The following DNHD1 variants were observed in gnomAD, a reference collection of about 807,000 sequenced individuals.
The protein encoded by DNHD1 is dynein heavy chain domain-containing protein 1.
A neutral mutation model predicts 458.1 loss-of-function variants in DNHD1; 383 were observed. The ratio of observed to expected loss-of-function variants is 0.84; its 90% CI spans 0.77 to 0.91. The LOEUF (loss-of-function observed/expected upper bound fraction) is 0.91. DNHD1 is among the 40% of genes least tolerant of loss of function. The pLI is 0.00. For missense variants in DNHD1, 5,336 were observed against 5,866.1 expected (o/e 0.91, Z 2.95); for synonymous variants, 2,203 against 2,376.9 (o/e 0.93, Z 2.13).
chr11:6,508,871 T>G lies in DNHD1; in HGVS notation c.921-9T>G. On this transcript the variant is annotated splice_polypyrimidine_tract_variant and intron_variant, in intron 4 of 42. Transcript: ENST00000254579. ...AGGGCCTTCACTGATCAGAGCTCTT[T>G]TTTTAAAGGCCTTACAGCCTGATGG... The G allele has an allele frequency of 1.9e-6, 3 of 1,613,892 alleles. No homozygotes were observed. In the South Asian group the frequency reaches 3.3e-5, roughly 18 times the overall value.
At position 6,563,979 on chromosome 11, in the gene DNHD1, C is replaced by T; in HGVS notation, c.10139C>T (p.Ala3380Val). Residue 3380 changes from alanine to valine, a missense_variant, in exon 31 of 43, where the codon GCC becomes GTC. Physicochemically the swap from Ala to Val is moderately conservative, Grantham distance 64. Coordinates refer to ENST00000254579, the MANE Select transcript of DNHD1 (RefSeq NM_144666.3). ...CAGGAGACCCTGGAGCATAATTTGG[C>T]CCTGGCTAAGATGGTGGAGGATGCC... ...QAQETLEHNL[A>V]LAKMVEDAQA... is the part of the protein sequence containing the mutation. 1 of 1,551,730 alleles carries T rather than the reference C, an allele frequency of 6.4e-7. No individual in the cohort carries two copies. Among genetic ancestry groups the T allele is most frequent in the Non-Finnish European group, 8.7e-7 (1 of 1,147,012 alleles).
chr11:6,509,775 C>G (rs1206382824), intron 6 of DNHD1, among the ~76,000 whole-genome samples: 1 of 152,116 alleles, frequency 6.6e-6, no homozygotes, highest in Non-Finnish European at 1.5e-5. Context: ...TACATGACTC[C>G]TCAGCTACTC....
At chr11:6,501,809 T>C (rs533976419) in intron 3 of DNHD1, among the ~76,000 whole-genome samples, 2 of 152,332 alleles carry the variant, frequency 1.3e-5, no homozygotes, top group South Asian at 4.1e-4. Flanking sequence ...CTATATAATA[T>C]AGGACTTTGC....
In DNHD1 at chr11:6,509,282, T is replaced by G; in HGVS notation, c.1235+10T>G. On this transcript the variant is annotated intron_variant, in intron 6 of 42. Transcript: ENST00000254579. ...TACTCCATATTAGCAGGTGAGGTAT[T>G]AAAAACACAACTTCATTGAGTTTTT... The G allele has an allele frequency of 1.9e-4, 309 of 1,597,210 alleles. No homozygotes were observed. Among genetic ancestry groups the G allele is most frequent in the Non-Finnish European group, 2.5e-4 (289 of 1,171,040 alleles).
At chr11:6,503,109 A>G (rs928699815) in intron 4 of DNHD1, 183 bp downstream of exon 4, 1 of 562,148 alleles carries the variant, frequency 1.8e-6, no homozygotes, top group Non-Finnish European at 3.0e-6. Context: ...TCCACTCTCT[A>G]CCTCCCCTTC....
At chr11:6,539,425 C>A in intron 17 of DNHD1, 112 bp downstream of exon 17, 1 of 790,720 alleles carries the variant, frequency 1.3e-6, no homozygotes, top group African/African-American at 1.7e-5. Flanking sequence ...GTTGAGCCTG[C>A]TAACCTGCCT....
Position 6,547,613 on chromosome 11 carries a change from A to G in DNHD1, c.6674A>G (p.His2225Arg), listed in dbSNP as rs191574799. 4.3e-5 allele frequency: 66 copies of G among 1,542,690 alleles called. No homozygotes were observed. In the East Asian group the frequency reaches 8.4e-4, roughly 20 times the overall value. ...AEVTSMARIL[H>R]SLLDLHLRLK... ...GTTACCAGCATGGCACGCATCTTGCATAGTCTGCTTGACCTCCACCTTCGC... is the reference window on the plus strand; with the variant it reads ...GTTACCAGCATGGCACGCATCTTGCGTAGTCTGCTTGACCTCCACCTTCGC... Residue 2225 changes from histidine to arginine, a missense_variant, in exon 21 of 43, where the codon CAT becomes CGT. By Grantham distance (29) the His-to-Arg change is conservative. Around this residue, in one of 4 missense-constraint regions of DNHD1, gnomAD observed 3,932 missense variants for 4,365.6 expected, o/e 0.90. Transcript: ENST00000254579.
In DNHD1 at chr11:6,570,940, T is replaced by C. The variant is rs748732896; in HGVS notation, c.13428T>C (p.Asn4476=). 4 of 1,608,944 alleles carry C rather than the reference T, an allele frequency of 2.5e-6. No homozygotes were observed. The highest frequency in any genetic ancestry group is 1.7e-4 in the Middle Eastern group (1 of 6,046). The change falls in exon 42 of 43, where the codon AAT becomes AAC. Residue 4476 remains asparagine (N), a synonymous_variant. Transcript: ENST00000254579. ...CCCCGTGGTCAGTGCTGGGGCCAAA[T>C]GCACGGCGGCCTCTGGAGGGCGTCT... ...SDAPWSVLGP[N]ARRPLEGVLE...
chr11:6,520,860 A>G (rs1220033102), intron 10 of DNHD1: 3 of 987,764 alleles, frequency 3.0e-6, no homozygotes, highest in Admixed American at 5.9e-5. Flanking sequence ...ATTAAATGCA[A>G]TCAGTCACAT....
chr11:6,524,674 T>G (rs10769695), intron 10 of DNHD1, among the ~76,000 whole-genome samples: 1 of 152,194 alleles, frequency 6.6e-6, no homozygotes, highest in Non-Finnish European at 1.5e-5. Flanking sequence ...TAGGCAAGGG[T>G]AGATCCTCTT....
chr11:6,563,504 C>T lies in DNHD1; in HGVS notation c.9792C>T (p.Phe3264=), dbSNP rs138113940. The change falls in exon 30 of 43, where the codon TTC becomes TTT. Residue 3264 remains phenylalanine (F), a synonymous_variant. Coordinates refer to ENST00000254579, the MANE Select transcript of DNHD1 (RefSeq NM_144666.3). ...VRVTDAMCDL[F]HHETGWASAK... ...TAACTGATGCAATGTGTGACTTGTT[C>T]CACCATGAAACAGGCTGGGCCAGTG... 2.1e-4 allele frequency: 324 copies of T among 1,551,664 alleles called. 1 individual carries two copies. Among genetic ancestry groups the T allele is most frequent in the Middle Eastern group, 3.3e-4 (2 of 5,992 alleles).
At chr11:6,524,409 G>A (rs1261457219) in intron 10 of DNHD1, among the ~76,000 whole-genome samples, 2 of 152,052 alleles carry the variant, frequency 1.3e-5, no homozygotes, top group African/African-American at 4.8e-5. Flanking sequence ...TGATTCCTGA[G>A]TCCAGTTATC....
intron 10 of DNHD1, among the ~76,000 whole-genome samples, chr11:6,526,083 T>TATCACCC (rs771638815): frequency 5.5e-4 from 84 of 152,234 alleles, no homozygotes; most frequent in Non-Finnish European, 1.0e-3. Context: ...ATTAGATCCT[T>TATCACCC]ATCACCCATC....
At chr11:6,552,678 A>G (rs559522644) in intron 24 of DNHD1, among the ~76,000 whole-genome samples, 19 of 152,076 alleles carry the variant, frequency 1.2e-4, no homozygotes, top group Non-Finnish European at 2.4e-4. Context: ...GAAGAGATGT[A>G]CCATCAGAAC....
At chr11:6,561,755 A>G (rs1286286688) in intron 28 of DNHD1, among the ~76,000 whole-genome samples, 1 of 152,250 alleles carries the variant, frequency 6.6e-6, no homozygotes, top group East Asian at 1.9e-4. Flanking sequence ...AGATCTGATC[A>G]GTGTTTGAAA....
intron 3 of DNHD1, among the ~76,000 whole-genome samples, chr11:6,500,759 C>A (rs796174087): frequency 2.0e-5 from 3 of 152,166 alleles, no homozygotes; most frequent in African/African-American, 4.8e-5. Context: ...TGTTGGATAG[C>A]TACATTTATT....
In DNHD1 at chr11:6,567,500, C is replaced by G; in HGVS notation, c.11991C>G (p.Pro3997=). Reference sequence around the variant, plus strand: ...AATGTGAGATGTTAGAGCTGCTGCCCCCATTTGTTGGCCTGTGTGCCTCCC... The same window carrying G: ...AATGTGAGATGTTAGAGCTGCTGCCGCCATTTGTTGGCCTGTGTGCCTCCC... ...WHECEMLELL[P]PFVGLCASLA... is the part of the protein sequence containing the mutation. Residue 3997 remains proline (P), a synonymous_variant, in exon 36 of 43, where the codon CCC becomes CCG. Transcript: ENST00000254579. 6.2e-7 allele frequency: 1 copy of G among 1,613,684 alleles called. No individual in the cohort carries two copies. Among genetic ancestry groups the G allele is most frequent in the South Asian group, 1.1e-5 (1 of 91,026 alleles).
Position 6,563,902 on chromosome 11 carries a change from G to A in DNHD1, c.10062G>A (p.Glu3354=), listed in dbSNP as rs774940555. 1.2e-5 allele frequency: 18 copies of A among 1,551,738 alleles called. No homozygotes were observed. Among genetic ancestry groups the A allele is most frequent in the African/African-American group, 1.4e-5 (1 of 73,186 alleles). Residue 3354 remains glutamate, a synonymous_variant, in exon 31 of 43, where the codon GAG becomes GAA. Transcript: ENST00000254579. ...LPTDLLLQQV[E]ATLTREQARL... is the part of the protein sequence containing the mutation. ...CGGACCTGCTGCTGCAGCAAGTGGA[G>A]GCAACACTCACTCGGGAGCAGGCCC...
chr11:6,501,001 G>T (rs191014759), intron 3 of DNHD1, among the ~76,000 whole-genome samples: 62 of 151,742 alleles, frequency 4.1e-4, no homozygotes, highest in Non-Finnish European at 7.9e-4. Context: ...GCATGTGGGG[G>T]GAGTGTTCAA....
Sources: gnomAD v4.1 joint callset for allele counts (sites outside exome capture counted in the v4.1 genomes callset) on GRCh38, gnomAD v4.1.1 for gene constraint, gnomAD v4.1.1 regional missense constraint, MANE v1.5 for transcripts, NCBI Gene and HGNC (gene_info 2026-07-23, HGNC 2026-07-21) for gene names.